Variants in MARCHF1 observed in about 807,000 individuals in gnomAD.
The protein encoded by MARCHF1 is membrane associated ring-CH-type finger 1.
A neutral mutation model predicts 54.2 loss-of-function variants in MARCHF1; 40 were observed. The observed-to-expected ratio is 0.74, with a 90% CI of 0.57 to 0.96. The LOEUF (loss-of-function observed/expected upper bound fraction) is 0.96. Among genes scored for constraint, MARCHF1 ranks in the 40% least tolerant of loss-of-function variants. The pLI is 0.00. For synonymous variants in MARCHF1, 236 were observed against 236.3 expected (o/e 1.00, Z 0.01); for missense variants, 586 against 656.5 (o/e 0.89, Z 1.17).
intron 7 of MARCHF1, 45 bp from the exon 8 acceptor site, chr4:163,585,974 T>C (rs1249105140): frequency 2.6e-6 from 4 of 1,527,992 alleles, no homozygotes; most frequent in African/African-American, 1.4e-5. Flanking sequence ...CCAGAGAACA[T>C]TTCTCGCCTG....
rs1323435993 is a variant in MARCHF1, at chr4:163,742,445, CTCTT to C, written c.112-41586_112-41583del. Among the ~76,000 whole-genome samples, 8 of 137,090 alleles carry C rather than the reference CTCTT, an allele frequency of 5.8e-5. No homozygotes were observed. In the East Asian group the frequency reaches 1.2e-3, roughly 20 times the overall value. The allele number at this position is 137,090 out of a possible 152,430, so 89.9% of individuals were successfully genotyped here. A position where few individuals can be genotyped will look rare whatever the true frequency, so the allele number is the denominator to read the frequency against. ...TTCCTTCCTTCCTTTTCTTTCTTTT[CTCTT>C]TCTTTCACTCTTCTTTTCTCCTTTC... On this transcript the variant is annotated intron_variant, in intron 4 of 9. Transcript: ENST00000514618.
chr4:163,935,806 C>G (rs950677684), intron 3 of MARCHF1, among the ~76,000 whole-genome samples: 1 of 146,514 alleles, frequency 6.8e-6, no homozygotes, highest in Non-Finnish European at 1.5e-5. Flanking sequence ...TGGTGTTTTG[C>G]TTTCTTATCA....
chr4:164,269,285 G>T (rs1733685337), intron 1 of MARCHF1, among the ~76,000 whole-genome samples: 1 of 152,058 alleles, frequency 6.6e-6, no homozygotes, highest in African/African-American at 2.4e-5. Context: ...TCCTGTAGGT[G>T]TCTCTATAAT....
intron 8 of MARCHF1, chr4:163,584,788 CGTT>C (rs1269627650): frequency 2.0e-5 from 3 of 151,670 alleles, no homozygotes; most frequent in East Asian, 3.9e-4. Flanking sequence ...TTCTGGAACT[CGTT>C]GTGTTTCTTT....
intron 2 of MARCHF1, among the ~76,000 whole-genome samples, chr4:164,056,684 T>G (rs542489139): frequency 9.8e-4 from 149 of 152,332 alleles, no homozygotes; most frequent in African/African-American, 3.0e-3. Flanking sequence ...AGTCACTCAG[T>G]GATTCATGCT....
In MARCHF1 at chr4:164,267,268, T is replaced by C. The variant is rs540215505; in HGVS notation, c.-323+116602A>G. 4.6e-5 allele frequency among the ~76,000 whole-genome samples: 7 copies of C among 152,376 alleles called. No individual in the cohort carries two copies. In the South Asian group the frequency reaches 8.3e-4, roughly 18 times the overall value. On this transcript the variant is annotated intron_variant, in intron 1 of 9. Coordinates refer to ENST00000514618, the MANE Select transcript of MARCHF1 (RefSeq NM_001394959.1). ...CTACCTCTTGGTATTTATACCCTTATATAATCTCTTCCCTATAATATAAGC... is the reference window on the plus strand; with the variant it reads ...CTACCTCTTGGTATTTATACCCTTACATAATCTCTTCCCTATAATATAAGC...
At chr4:164,084,545 T>C (rs186580271) in intron 2 of MARCHF1, among the ~76,000 whole-genome samples, 48 of 152,056 alleles carry the variant, frequency 3.2e-4, no homozygotes, top group Admixed American at 9.8e-4. Context: ...GTAATAAGCA[T>C]TGCATAAACA....
chr4:163,765,734 T>A (rs1010293072), intron 4 of MARCHF1, among the ~76,000 whole-genome samples: 7 of 151,636 alleles, frequency 4.6e-5, no homozygotes, highest in Admixed American at 4.0e-4. Flanking sequence ...TGTGACATTT[T>A]GGGGCTAGCT....
chr4:163,623,475 C>A (rs985196650), intron 5 of MARCHF1, among the ~76,000 whole-genome samples: 1 of 152,070 alleles, frequency 6.6e-6, no homozygotes, highest in Non-Finnish European at 1.5e-5. Context: ...TGCCACTTAC[C>A]TTCTACTTTT....
chr4:163,663,423 A>T (rs1687993018), intron 5 of MARCHF1, among the ~76,000 whole-genome samples: 1 of 151,044 alleles, frequency 6.6e-6, no homozygotes, highest in African/African-American at 2.4e-5. Context: ...ACTGCTGGAG[A>T]TTTTTCTTTT....
chr4:163,840,877 A>G, intron 4 of MARCHF1, among the ~76,000 whole-genome samples: 1 of 152,138 alleles, frequency 6.6e-6, no homozygotes, highest in East Asian at 1.9e-4. Flanking sequence ...ATGTGTATAT[A>G]AAGACATCAC....
chr4:163,631,942 T>C (rs1197433577), intron 5 of MARCHF1, among the ~76,000 whole-genome samples: 1 of 152,162 alleles, frequency 6.6e-6, no homozygotes, highest in Admixed American at 6.5e-5. Context: ...TGTATAGACA[T>C]TTCTTGAGAG....
At chr4:163,566,621 T>C (rs777283507) in intron 8 of MARCHF1, among the ~76,000 whole-genome samples, 4 of 152,152 alleles carry the variant, frequency 2.6e-5, no homozygotes, top group Non-Finnish European at 5.9e-5. Flanking sequence ...TAAAGGCCAG[T>C]GTTACTCATC....
At chr4:163,653,420 A>G (rs1743037278) in intron 5 of MARCHF1, among the ~76,000 whole-genome samples, 1 of 151,742 alleles carries the variant, frequency 6.6e-6, no homozygotes, top group Non-Finnish European at 1.5e-5. Flanking sequence ...ACATGATCGG[A>G]TTTATATTTG....
At chr4:163,983,163 C>T (rs942609919) in intron 3 of MARCHF1, among the ~76,000 whole-genome samples, 3 of 152,140 alleles carry the variant, frequency 2.0e-5, no homozygotes, top group African/African-American at 7.2e-5. Context: ...CAAACACGGC[C>T]TTTGTGTGCC....
At chr4:164,253,893 A>T (rs1447319043) in intron 1 of MARCHF1, among the ~76,000 whole-genome samples, 1 of 152,116 alleles carries the variant, frequency 6.6e-6, no homozygotes, top group Non-Finnish European at 1.5e-5. Context: ...TGCCAAGGGG[A>T]AAAAAAGCAA....
chr4:164,369,375 T>C (rs1021669219), intron 1 of MARCHF1, among the ~76,000 whole-genome samples: 1 of 152,160 alleles, frequency 6.6e-6, no homozygotes. Flanking sequence ...TTGGACACCA[T>C]GATTTCAAGA....
At chr4:164,276,876 C>CAT (rs201004757) in intron 1 of MARCHF1, among the ~76,000 whole-genome samples, 78,114 of 139,814 alleles carry the variant, frequency 0.56, 23,972 homozygotes, top group Non-Finnish European at 0.71. Context: ...ATATTACATA[C>CAT]ATATATATAT....
At chr4:163,956,384 C>T (rs1213885266) in intron 3 of MARCHF1, among the ~76,000 whole-genome samples, 1 of 152,084 alleles carries the variant, frequency 6.6e-6, no homozygotes, top group Non-Finnish European at 1.5e-5. Context: ...CTTTCTTGGA[C>T]ATGCCATTGT....
Sources: allele counts gnomAD v4.1 joint callset (sites outside exome capture counted in the v4.1 genomes callset), GRCh38; gene constraint gnomAD v4.1.1; transcripts MANE v1.5; gene names NCBI Gene and HGNC (gene_info 2026-07-23, HGNC 2026-07-21).